The following SPATA31C2 variants were observed in gnomAD, a reference collection of about 807,000 sequenced individuals.
SPATA31C2 encodes the protein spermatogenesis-associated protein 31C2.
Under a neutral mutation model 11.4 loss-of-function variants are expected in SPATA31C2, and 5 were observed. The observed-to-expected ratio is 0.44, with a 90% CI of 0.23 to 0.92. SPATA31C2 has a LOEUF of 0.92. Ranked by LOEUF, SPATA31C2 falls within the 40% of genes least tolerant of loss-of-function variation. The pLI is 0.24. For missense variants in SPATA31C2, 1,353 were observed against 1,368.6 expected (o/e 0.99, Z 0.18); for synonymous variants, 515 against 538.7 (o/e 0.96, Z 0.61).
At chr9:88,133,493 G>A (rs1293609606) in intron 2 of SPATA31C2, 101 bp downstream of exon 2, 7 of 1,484,968 alleles carry the variant, frequency 4.7e-6, no homozygotes, top group African/African-American at 3.1e-5. Flanking sequence ...TCCTTCCTAG[G>A]AGCCCCCACC....
rs528130106 is a variant in SPATA31C2 at position 88,131,757 on chromosome 9, G to A, written c.1280C>T (p.Thr427Ile). 192 of 1,611,790 alleles carry A rather than the reference G, an allele frequency of 1.2e-4. No homozygotes were observed. Among genetic ancestry groups the A allele is most frequent in the Non-Finnish European group, 1.6e-4 (183 of 1,179,794 alleles). Residue 427 changes from threonine to isoleucine, a missense_variant, in exon 4 of 4, where the codon ACT becomes ATT. Physicochemically the swap from Thr to Ile is moderately conservative, Grantham distance 89 (BLOSUM62 -1). Transcript: ENST00000324915. ...CAGTCTTTCCTGGGGAAGGTTAGGAGTGGAGACACTAAAGACGTCCTGAGA... is the reference window on the plus strand; with the variant it reads ...CAGTCTTTCCTGGGGAAGGTTAGGAATGGAGACACTAAAGACGTCCTGAGA... Reference protein sequence around the residue: ...QKSQDVFSVSTPNLPQERLTS... With the variant: ...QKSQDVFSVSIPNLPQERLTS...
rs1825578743 is a variant in SPATA31C2, at chr9:88,130,889, T to G, written c.2148A>C (p.Arg716Ser). 6.2e-7 allele frequency: 1 copy of G among 1,613,806 alleles called. No individual in the cohort carries two copies. Among genetic ancestry groups the G allele is most frequent in the Admixed American group, 1.7e-5 (1 of 60,020 alleles). ...FLGEPPMASL[R>S]KQVLTKPSVH... ...CAGATGGTTTGGTCAGCACCTGCTT[T>G]CTCAGACTTGCCATTGGTGGCTCTC... Residue 716 changes from arginine to serine, a missense_variant, in exon 4 of 4, where the codon AGA (arginine) becomes AGC (serine). Coordinates refer to ENST00000324915, the MANE Select transcript of SPATA31C2 (RefSeq NM_001350978.3).
Position 88,131,172 on chromosome 9 carries a change from G to A in SPATA31C2, c.1865C>T (p.Pro622Leu), listed in dbSNP as rs369077950. The A allele has an allele frequency of 3.2e-5, 51 of 1,611,588 alleles. No individual in the cohort carries two copies. The highest frequency in any genetic ancestry group is 2.2e-4 in the Middle Eastern group (1 of 4,452). ...THVKTSNLAA[P>L]KSRKACVNTA... ...GTTCACACAGGCTTTCCTGCTTTTC[G>A]GGGCTGCTAGATTGCTGGTTTTCAC... The change falls in exon 4 of 4, where the codon CCG becomes CTG. Residue 622 changes from proline (P) to leucine (L), a missense_variant. This residue lies in a region of SPATA31C2 where 1,075 missense variants were observed against 992.8 expected (regional missense o/e 1.08). Coordinates refer to ENST00000324915, the MANE Select transcript of SPATA31C2 (RefSeq NM_001350978.3).
rs1587688500 is a variant in SPATA31C2, at chr9:88,132,322, T to G, written c.715A>C (p.Thr239Pro). 6.2e-6 allele frequency: 10 copies of G among 1,610,346 alleles called. No individual in the cohort carries two copies. Among genetic ancestry groups the G allele is most frequent in the Non-Finnish European group, 8.5e-6 (10 of 1,177,716 alleles). The stretch of plus-strand genomic sequence containing the variant: ...TCACAGTGAGATGGTGTTAACAGAG[T>G]GGAGTCCCGCAGGGGAGGAGGAGTG... ...GFTPPPLRDS[T>P]LLTPSHCDSV... The change falls in exon 4 of 4, where the codon ACT becomes CCT. Residue 239 changes from threonine (T) to proline (P), a missense_variant. This residue lies in a region of SPATA31C2 where 1,075 missense variants were observed against 992.8 expected (regional missense o/e 1.08). Coordinates refer to ENST00000324915, the MANE Select transcript of SPATA31C2 (RefSeq NM_001350978.3).
Position 88,133,589 on chromosome 9 carries a change from C to G in SPATA31C2, c.265+5G>C. The G allele has an allele frequency of 6.3e-7, 1 of 1,581,496 alleles. No homozygotes were observed. Among genetic ancestry groups the G allele is most frequent in the South Asian group, 1.1e-5 (1 of 90,368 alleles). ...TAACTCTAGTGTGCCCTGGCAGAGC[C>G]TTACCTCTCAGACTGTGGTTTTTCA... On this transcript the variant is annotated splice_donor_5th_base_variant and intron_variant, in intron 2 of 3. Transcript: ENST00000324915.
At position 88,129,879 on chromosome 9, in the gene SPATA31C2, T is replaced by C; in HGVS notation, c.3158A>G (p.Glu1053Gly). The change falls in exon 4 of 4, where the codon GAG (glutamate) becomes GGG (glycine). Residue 1053 changes from glutamate (E) to glycine (G), a missense_variant. Around this residue, in one of 6 missense-constraint regions of SPATA31C2, gnomAD observed 187 missense variants for 205.8 expected, o/e 0.91. Transcript: ENST00000324915. Reference protein sequence around the residue: ...SCVYGSSAEAERLMTAVGQIL... With the variant: ...SCVYGSSAEAGRLMTAVGQIL... ...CTGTCCAACTGCTGTCATGAGCCTC[T>C]CAGCTTCAGCACTGCTGCCGTACAC... 1 of 1,605,574 alleles carries C rather than the reference T, an allele frequency of 6.2e-7. No homozygotes were observed. The highest frequency in any genetic ancestry group is 8.5e-7 in the Non-Finnish European group (1 of 1,174,490).
rs368580807 is a variant in SPATA31C2 at position 88,133,616 on chromosome 9, C to A, written c.243G>T (p.Arg81Ser). The part of the protein sequence containing the change: ...PAGRRGRPRG[R>S]MKNHSLRACR... ...TACCTCTCAGACTGTGGTTTTTCAT[C>A]CTGCCTCTGGGCCTCCCCCTCCGCC... Residue 81 changes from arginine (R) to serine (S), a missense_variant, in exon 2 of 4, where the codon AGG becomes AGT. Physicochemically the swap from Arg to Ser is moderately radical, Grantham distance 110. Transcript: ENST00000324915. 948 of 1,604,520 alleles carry A rather than the reference C, an allele frequency of 5.9e-4. 1 individual carries two copies. The highest frequency in any genetic ancestry group is 7.4e-4 in the Non-Finnish European group (872 of 1,173,982).
intron 1 of SPATA31C2, among the ~76,000 whole-genome samples, chr9:88,136,670 T>C (rs1825686495): frequency 6.8e-6 from 1 of 146,382 alleles, no homozygotes; most frequent in Non-Finnish European, 1.5e-5. Context: ...TACATTGAGA[T>C]GTGATCTTTT....
In SPATA31C2 at chr9:88,132,074, G is replaced by A. The variant is rs1249243011; in HGVS notation, c.963C>T (p.Phe321=). Residue 321 remains phenylalanine, a synonymous_variant, in exon 4 of 4, where the codon TTC becomes TTT. Transcript: ENST00000324915. The part of the protein sequence containing the change: ...QRDTTMSPLL[F]QAQPLSHLEP... ...CCAGATGGGACAGGGGCTGGGCCTG[G>A]AAAAGCAGTGGGGACATTGTAGTGT... 6.2e-7 allele frequency: 1 copy of A among 1,610,790 alleles called. No homozygotes were observed. The highest frequency in any genetic ancestry group is 1.7e-5 in the Admixed American group (1 of 59,838).
Position 88,131,717 on chromosome 9 carries a change from A to G in SPATA31C2, c.1320T>C (p.Pro440=). 6.2e-7 allele frequency: 1 copy of G among 1,611,932 alleles called. No homozygotes were observed. Among genetic ancestry groups the G allele is most frequent in the Non-Finnish European group, 8.5e-7 (1 of 1,179,824 alleles). ...GTTCAGGACTGACTGGAAAGTTCTC[A>G]GGCAGAATGGATGTCAGTCTTTCCT... is the stretch of plus-strand genomic sequence containing the variant. ...LPQERLTSIL[P]ENFPVSPELW... Residue 440 remains proline, a synonymous_variant, in exon 4 of 4, where the codon CCT becomes CCC. Transcript: ENST00000324915.
At chr9:88,134,130 G>A (rs1317713982) in intron 1 of SPATA31C2, among the ~76,000 whole-genome samples, 2 of 148,818 alleles carry the variant, frequency 1.3e-5, no homozygotes, top group African/African-American at 5.0e-5. Context: ...ACTGCAGCCT[G>A]CACAAAAAAC....
chr9:88,133,414 C>T (rs1452015543), intron 2 of SPATA31C2, among the ~76,000 whole-genome samples, 180 bp downstream of exon 2: 9 of 102,802 alleles, frequency 8.8e-5, no homozygotes, highest in African/African-American at 3.6e-4. Flanking sequence ...CTGGGTAACG[C>T]TCAGTCCCTG....
intron 3 of SPATA31C2, 100 bp downstream of exon 3, chr9:88,132,866 C>T (rs1825625367): frequency 7.6e-7 from 1 of 1,317,012 alleles, no homozygotes; most frequent in African/African-American, 2.0e-5. Context: ...TCCTCTGTCC[C>T]CCTGGTCTCT....
chr9:88,134,185 G>A (rs1224193092), intron 1 of SPATA31C2, among the ~76,000 whole-genome samples: 1 of 146,046 alleles, frequency 6.8e-6, no homozygotes, highest in Non-Finnish European at 1.5e-5. Flanking sequence ...ACACACACAG[G>A]GATTTTCAAT....
At chr9:88,136,595 T>C (rs1825685533) in intron 1 of SPATA31C2, among the ~76,000 whole-genome samples, 1 of 126,064 alleles carries the variant, frequency 7.9e-6, no homozygotes, top group African/African-American at 2.8e-5. Context: ...CTTTTCTGGT[T>C]CATGTCTAAT....
At position 88,129,608 on chromosome 9, in the gene SPATA31C2, G is replaced by A; in HGVS notation, c.*24C>T. ...GATGTCGCAGGCCCCATTGCTCATT[G>A]TTGCACCGGACACTTTTCAAGGGCT... On this transcript the variant is annotated 3_prime_UTR_variant, in exon 4 of 4. Transcript: ENST00000324915. The A allele has an allele frequency of 6.2e-7, 1 of 1,602,602 alleles. No individual in the cohort carries two copies. The highest frequency in any genetic ancestry group is 2.2e-5 in the East Asian group (1 of 44,460).
chr9:88,135,608 T>G (rs1825669449), intron 1 of SPATA31C2, among the ~76,000 whole-genome samples: 8 of 135,764 alleles, frequency 5.9e-5, no homozygotes, highest in African/African-American at 6.0e-5. Flanking sequence ...GCCTCCCGGG[T>G]TCCAGCCATT....
intron 2 of SPATA31C2, 56 bp from the exon 3 acceptor site, chr9:88,133,082 G>A: frequency 8.2e-7 from 1 of 1,222,200 alleles, no homozygotes; most frequent in South Asian, 1.4e-5. Context: ...CTCACAGGAG[G>A]CTGAGTGTAT....
Position 88,132,599 on chromosome 9 carries a change from C to G in SPATA31C2, c.438G>C (p.Glu146Asp). Residue 146 changes from glutamate (E) to aspartate (D), a missense_variant, in exon 4 of 4, where the codon GAG (glutamate) becomes GAC (aspartate). This residue lies in a region of SPATA31C2 where 1,075 missense variants were observed against 992.8 expected (regional missense o/e 1.08). Coordinates refer to ENST00000324915, the MANE Select transcript of SPATA31C2 (RefSeq NM_001350978.3). ...CAATGGGAGCAGCGTCTTCCGTAGGCTCATGAGAGGACCGGGAGGCTCCAT... is the reference window on the plus strand; with the variant it reads ...CAATGGGAGCAGCGTCTTCCGTAGGGTCATGAGAGGACCGGGAGGCTCCAT... ...TPDGASRSSH[E>D]PTEDAAPIVS... 1 of 1,610,068 alleles carries G rather than the reference C, an allele frequency of 6.2e-7. No homozygotes were observed. Among genetic ancestry groups the G allele is most frequent in the South Asian group, 1.1e-5 (1 of 90,966 alleles).
Sources: gnomAD v4.1 joint callset for allele counts (sites outside exome capture counted in the v4.1 genomes callset) on GRCh38, gnomAD v4.1.1 for gene constraint, gnomAD v4.1.1 regional missense constraint, MANE v1.5 for transcripts, NCBI Gene and HGNC (gene_info 2026-07-23, HGNC 2026-07-21) for gene names.